Variants in SNTG2 observed in about 807,000 individuals in gnomAD.
SNTG2 encodes syntrophin gamma 2, also known as gamma-2-syntrophin.
A neutral mutation model predicts 70.9 loss-of-function variants in SNTG2; 74 were observed. The observed-to-expected ratio is 1.04, with a 90% CI of 0.86 to 1.27. The LOEUF is 1.27. Ranked by LOEUF, SNTG2 falls within the 50% of genes most tolerant of loss-of-function variation. The pLI, the probability that SNTG2 is intolerant of heterozygous loss-of-function variation, is 0.00. For missense variants in SNTG2, 717 were observed against 690.7 expected (o/e 1.04, Z -0.43); for synonymous variants, 278 against 273.8 (o/e 1.02, Z -0.15).
chr2:1,272,758 TGCAGAAAGGACACCCCAGGGAGC>T (rs1679103082), intron 14 of SNTG2, among the ~76,000 whole-genome samples: 3 of 145,482 alleles, frequency 2.1e-5, no homozygotes, highest in Non-Finnish European at 4.5e-5. Flanking sequence ...AGGGAGCGGG[TGCAGAAAGGACACCCCAGGGAGC>T]GGGTGCAGAA....
intron 14 of SNTG2, among the ~76,000 whole-genome samples, chr2:1,306,542 G>T (rs1680674682): frequency 6.6e-6 from 1 of 152,220 alleles, no homozygotes; most frequent in Non-Finnish European, 1.5e-5. Flanking sequence ...AGCACAGCAG[G>T]AGCGGGGGGA....
intron 1 of SNTG2, among the ~76,000 whole-genome samples, chr2:1,030,854 C>T (rs1437211415): frequency 6.6e-6 from 1 of 152,176 alleles, no homozygotes; most frequent in Admixed American, 6.5e-5. Flanking sequence ...AGAAGAGCCA[C>T]GTGCACCGAT....
At chr2:1,003,497 C>T (rs1249243343) in intron 1 of SNTG2, among the ~76,000 whole-genome samples, 1 of 152,194 alleles carries the variant, frequency 6.6e-6, no homozygotes, top group Non-Finnish European at 1.5e-5. Context: ...AAGCATTCAT[C>T]ATGTCTAGAC....
At chr2:1,356,805 GT>G (rs966837678) in intron 16 of SNTG2, among the ~76,000 whole-genome samples, 2 of 151,814 alleles carry the variant, frequency 1.3e-5, no homozygotes, top group African/African-American at 2.4e-5. Context: ...CATTAACGTG[GT>G]TTTTTTTATT....
intron 1 of SNTG2, among the ~76,000 whole-genome samples, chr2:1,040,122 T>C (rs1229836728): frequency 2.0e-5 from 3 of 152,206 alleles, no homozygotes; most frequent in Non-Finnish European, 2.9e-5. Context: ...CCAGGCACGC[T>C]TGTGGGGGCT....
intron 14 of SNTG2, among the ~76,000 whole-genome samples, chr2:1,286,231 A>G (rs989630902): frequency 6.6e-6 from 1 of 152,210 alleles, no homozygotes; most frequent in African/African-American, 2.4e-5. Context: ...TAGGGGTGAT[A>G]GTGAGTGGTG....
At chr2:994,666 T>C (rs1353809612) in intron 1 of SNTG2, among the ~76,000 whole-genome samples, 1 of 152,034 alleles carries the variant, frequency 6.6e-6, no homozygotes, top group South Asian at 2.1e-4. Flanking sequence ...ATTTTAACTG[T>C]ATTGCCTTCA....
intron 6 of SNTG2, among the ~76,000 whole-genome samples, chr2:1,149,131 G>A (rs1321691774): frequency 6.6e-6 from 1 of 152,090 alleles, no homozygotes; most frequent in African/African-American, 2.4e-5. Flanking sequence ...CATACACCAG[G>A]GGTCGCTGGG....
chr2:970,509 A>C (rs1390180026), intron 1 of SNTG2, among the ~76,000 whole-genome samples: 1 of 145,452 alleles, frequency 6.9e-6, no homozygotes, highest in African/African-American at 2.6e-5. Flanking sequence ...ATGAGTGAGA[A>C]TACGCGGTGT....
intron 14 of SNTG2, among the ~76,000 whole-genome samples, chr2:1,277,085 C>T (rs952429791): frequency 6.6e-6 from 1 of 152,152 alleles, no homozygotes; most frequent in Non-Finnish European, 1.5e-5. Flanking sequence ...GGAATCTACT[C>T]CTGGTAAAGA....
intron 15 of SNTG2, among the ~76,000 whole-genome samples, chr2:1,313,409 TG>T (rs1681107407): frequency 6.6e-6 from 1 of 152,236 alleles, no homozygotes; most frequent in Non-Finnish European, 1.5e-5. Flanking sequence ...AAAATGGCTC[TG>T]ATGTGACTGA....
chr2:1,000,430 T>C (rs552641951), intron 1 of SNTG2, among the ~76,000 whole-genome samples: 52 of 151,644 alleles, frequency 3.4e-4, no homozygotes, highest in Non-Finnish European at 6.8e-4. Context: ...TCAGAAATGA[T>C]AAATATGACA....
chr2:1,120,690 T>G (rs1174541373), intron 4 of SNTG2, among the ~76,000 whole-genome samples: 1 of 152,096 alleles, frequency 6.6e-6, no homozygotes, highest in African/African-American at 2.4e-5. Flanking sequence ...AGGGGATAAT[T>G]TATCAGGAGG....
Position 1,069,571 on chromosome 2 carries a change from T to G in SNTG2, c.73-13947T>G, listed in dbSNP as rs1663388418. Among the ~76,000 whole-genome samples, 3 of 151,312 alleles carry G rather than the reference T, an allele frequency of 2.0e-5. No individual in the cohort carries two copies. In the South Asian group the frequency reaches 6.3e-4, roughly 32 times the overall value. ...ACTTTGGGAGGCCTAGACAGGGAGATCACGAGGTCAAGAGATCGAGATCAT... is the reference window on the plus strand; with the variant it reads ...ACTTTGGGAGGCCTAGACAGGGAGAGCACGAGGTCAAGAGATCGAGATCAT... On this transcript the variant is annotated intron_variant, in intron 1 of 16. Coordinates refer to ENST00000308624, the MANE Select transcript of SNTG2 (RefSeq NM_018968.4).
At position 1,229,695 on chromosome 2, in the gene SNTG2, G is replaced by C. The variant is rs898261365; in HGVS notation, c.720-8193G>C. Among the ~76,000 whole-genome samples the C allele has an allele frequency of 6.6e-5, 10 of 152,344 alleles. No individual in the cohort carries two copies. The South Asian group carries it at 1.4e-3, about 22-fold the overall frequency. Reference sequence around the variant, plus strand: ...TCGGGCCGCACAGGAGCCAATGGAGGGGGTGGGAGGCTCAGGCGTGGCGGG... The same window carrying C: ...TCGGGCCGCACAGGAGCCAATGGAGCGGGTGGGAGGCTCAGGCGTGGCGGG... On this transcript the variant is annotated intron_variant, in intron 9 of 16. Transcript: ENST00000308624.
At chr2:976,971 A>G (rs1307725819) in intron 1 of SNTG2, among the ~76,000 whole-genome samples, 1 of 152,198 alleles carries the variant, frequency 6.6e-6, no homozygotes. Flanking sequence ...GGTAAGGCCA[A>G]GGGTCTTGTG....
At chr2:1,294,347 A>G (rs1680113489) in intron 14 of SNTG2, among the ~76,000 whole-genome samples, 1 of 152,214 alleles carries the variant, frequency 6.6e-6, no homozygotes, top group African/African-American at 2.4e-5. Flanking sequence ...TGCCCAAGGA[A>G]TGCAGCTTTG....
At chr2:1,035,510 C>G (rs1222203714) in intron 1 of SNTG2, among the ~76,000 whole-genome samples, 9 of 152,240 alleles carry the variant, frequency 5.9e-5, no homozygotes, top group African/African-American at 1.9e-4. Flanking sequence ...AGGACTGGAA[C>G]CAACTCTCCA....
chr2:1,157,273 C>T (rs1040202002), intron 6 of SNTG2, among the ~76,000 whole-genome samples: 1 of 152,184 alleles, frequency 6.6e-6, no homozygotes. Flanking sequence ...TCGAGTCCTG[C>T]CCTGGCTCTA....
Sources: gnomAD v4.1 joint callset for allele counts (sites outside exome capture counted in the v4.1 genomes callset) on GRCh38, gnomAD v4.1.1 for gene constraint, MANE v1.5 for transcripts, NCBI Gene and HGNC (gene_info 2026-07-23, HGNC 2026-07-21) for gene names.